The following CHCHD2 variants were observed in gnomAD, a reference collection of about 807,000 sequenced individuals.
CHCHD2 encodes coiled-coil-helix-coiled-coil-helix domain-containing protein 2.
In CHCHD2, 17 loss-of-function variants were observed where a neutral mutation model predicts 17.5. The ratio of observed to expected loss-of-function variants is 0.97; its 90% CI spans 0.67 to 1.46. The LOEUF is 1.46. CHCHD2 is among the 40% of genes most tolerant of loss of function. CHCHD2 has a pLI of 0.00. For synonymous variants in CHCHD2, 63 were observed against 74.3 expected (o/e 0.85, Z 0.78); for missense variants, 175 against 199.9 (o/e 0.88, Z 0.75).
At chr7:56,101,905 T>A in intron 3 of CHCHD2, 44 bp from the exon 4 acceptor site, 1 of 1,598,634 alleles carries the variant, frequency 6.3e-7, no homozygotes, top group East Asian at 2.2e-5. Context: ...TAGCTTCGTA[T>A]ACTCAATAAA....
Position 56,104,474 on chromosome 7 carries a change from G to A in CHCHD2, c.52C>T (p.Arg18Trp), listed in dbSNP as rs780172272. The part of the protein sequence containing the change: ...RTSRMAPPAS[R>W]APQMRAAPRP... The stretch of plus-strand genomic sequence containing the variant: ...GGTGCAGCTCTCATCTGAGGGGCCC[G>A]GCTGTGAAAGAAAAGAAAAAAACAT... The change falls in exon 2 of 4, where the codon CGG (arginine) becomes TGG (tryptophan). Residue 18 changes from arginine to tryptophan, a missense_variant and splice_region_variant. Physicochemically the swap from Arg to Trp is moderately radical, Grantham distance 101. Coordinates refer to ENST00000395422, the MANE Select transcript of CHCHD2 (RefSeq NM_016139.4). 11 of 1,550,602 alleles carry A rather than the reference G, an allele frequency of 7.1e-6. No individual in the cohort carries two copies. Among genetic ancestry groups the A allele is most frequent in the Admixed American group, 2.0e-5 (1 of 50,628 alleles).
intron 1 of CHCHD2, among the ~76,000 whole-genome samples, chr7:56,105,352 AAGTT>A (rs1464612211): frequency 3.3e-5 from 5 of 152,232 alleles, no homozygotes; most frequent in African/African-American, 1.2e-4. Context: ...AGACTACTAA[AAGTT>A]AGAAAGATTC....
At chr7:56,101,905 T>C (rs529337133) in intron 3 of CHCHD2, 44 bp from the exon 4 acceptor site, 17 of 1,598,634 alleles carry the variant, frequency 1.1e-5, no homozygotes, top group African/African-American at 4.0e-5. Context: ...TAGCTTCGTA[T>C]ACTCAATAAA....
chr7:56,106,005 T>A (rs1266804930), intron 1 of CHCHD2, among the ~76,000 whole-genome samples: 1 of 152,220 alleles, frequency 6.6e-6, no homozygotes, highest in Non-Finnish European at 1.5e-5. Flanking sequence ...AGACTAATTA[T>A]GTCCTGCACG....
rs201421064 is a variant in CHCHD2, at chr7:56,102,853, G to A, written c.445+14C>T. 5.5e-4 allele frequency: 882 copies of A among 1,613,426 alleles called. 1 individual carries two copies. Among genetic ancestry groups the A allele is most frequent in the Middle Eastern group, 1.7e-3 (10 of 6,060 alleles). On this transcript the variant is annotated intron_variant, in intron 3 of 3. Coordinates refer to ENST00000395422, the MANE Select transcript of CHCHD2 (RefSeq NM_016139.4). ...CTGTGAATTAAGCAGATGTAAATTG[G>A]ACAAATTACCTACCGTTTGCAAGTC...
Position 56,106,428 on chromosome 7 carries a change from G to C in CHCHD2, c.-15C>G, listed in dbSNP as rs764013716. 1 of 1,613,096 alleles carries C rather than the reference G, an allele frequency of 6.2e-7. No homozygotes were observed. Among genetic ancestry groups the C allele is most frequent in the Non-Finnish European group, 8.5e-7 (1 of 1,179,408 alleles). ...CCACGCGGCATCCTAGGTAAGCGAC[G>C]GCTAGGCCTCCGGACGTGGGACAAC... On this transcript the variant is annotated 5_prime_UTR_variant, in exon 1 of 4. Coordinates refer to ENST00000395422, the MANE Select transcript of CHCHD2 (RefSeq NM_016139.4).
intron 1 of CHCHD2, among the ~76,000 whole-genome samples, chr7:56,105,930 T>G (rs1360460043): frequency 2.0e-5 from 3 of 152,226 alleles, no homozygotes; most frequent in Non-Finnish European, 2.9e-5. Flanking sequence ...CAACTTCAAC[T>G]ATTCCTCATC....
Position 56,103,655 on chromosome 7 carries a change from G to A in CHCHD2, c.300+571C>T, listed in dbSNP as rs543677228. Among the ~76,000 whole-genome samples, 3 of 152,210 alleles carry A rather than the reference G, an allele frequency of 2.0e-5. No homozygotes were observed. The South Asian group carries it at 6.2e-4, about 32-fold the overall frequency. On this transcript the variant is annotated intron_variant, in intron 2 of 3. Transcript: ENST00000395422. ...TTTAACAAAATTCCAATTACAACCA[G>A]AAAGATTCCTAAATAAAGATGCAAA...
rs766631400 is a variant in CHCHD2 at position 56,102,945 on chromosome 7, C to A, written c.367G>T (p.Glu123Ter). 3.1e-6 allele frequency: 5 copies of A among 1,614,154 alleles called. No individual in the cohort carries two copies. Among genetic ancestry groups the A allele is most frequent in the Non-Finnish European group, 4.2e-6 (5 of 1,179,994 alleles). The change falls in exon 3 of 4, where the codon GAG becomes TAG. Residue 123 changes from glutamate (E) to a stop codon, truncating the protein, a stop_gained. Transcript: ENST00000395422. LOFTEE classifies it high-confidence loss of function. Reference protein sequence around the residue: ...PCLYEIKQFLECAQNQGDIKL... With the variant: ...PCLYEIKQFL ...ATGTCACCCTGGTTCTGGGCACACT[C>A]CAGAAACTGTTTGATCTCATAGAGG...
At chr7:56,106,302 G>T in intron 1 of CHCHD2, 62 bp downstream of exon 1, 1 of 1,524,488 alleles carries the variant, frequency 6.6e-7, no homozygotes, top group Non-Finnish European at 8.9e-7. Flanking sequence ...CTCCCTCTGC[G>T]TCATTGCCCC....
chr7:56,103,101 G>A, intron 2 of CHCHD2, 90 bp from the exon 3 acceptor site: 1 of 1,354,044 alleles, frequency 7.4e-7, no homozygotes, highest in South Asian at 1.2e-5. Context: ...TGAGGTTAAT[G>A]GAAAATGGAA....
chr7:56,105,586 G>T (rs1052173894), intron 1 of CHCHD2, among the ~76,000 whole-genome samples: 2 of 152,148 alleles, frequency 1.3e-5, no homozygotes, highest in African/African-American at 4.8e-5. Context: ...GACCAGCCAG[G>T]GCCACATAAT....
rs1382852004 is a variant in CHCHD2 at position 56,106,383 on chromosome 7, G to A, written c.31C>T (p.Arg11Cys). ...TCTCACCTGGCCGGAGGGGCCATGC[G>A]GGAGGTGCGGCTTCGGCTTCCACGC... MPRGSRSRTS[R>C]MAPPASRAPQ... The change falls in exon 1 of 4, where the codon CGC becomes TGC. Residue 11 changes from arginine to cysteine, a missense_variant. Arg to Cys is a radical substitution (Grantham distance 180, BLOSUM62 -3). Transcript: ENST00000395422. 3 of 1,613,400 alleles carry A rather than the reference G, an allele frequency of 1.9e-6. No individual in the cohort carries two copies. The highest frequency in any genetic ancestry group is 2.2e-5 in the East Asian group (1 of 44,862).
At chr7:56,104,188 A>G in intron 2 of CHCHD2, 38 bp downstream of exon 2, 2 of 1,603,682 alleles carry the variant, frequency 1.2e-6, no homozygotes, top group Non-Finnish European at 1.7e-6. Context: ...TTCTCATAAA[A>G]TCCACCCATG....
intron 2 of CHCHD2, among the ~76,000 whole-genome samples, chr7:56,103,241 A>G (rs1020567914): frequency 1.5e-4 from 23 of 152,186 alleles, no homozygotes; most frequent in African/African-American, 5.3e-4. Context: ...ACACTTTGGG[A>G]AGCCGAGAAG....
Position 56,103,001 on chromosome 7 carries a change from C to A in CHCHD2, c.311G>T (p.Gly104Val). 6.2e-7 allele frequency: 1 copy of A among 1,614,180 alleles called. No individual in the cohort carries two copies. Among genetic ancestry groups the A allele is most frequent in the South Asian group, 1.1e-5 (1 of 91,086 alleles). Residue 104 changes from glycine (G) to valine (V), a missense_variant, in exon 3 of 4, where the codon GGA (glycine) becomes GTA (valine). Transcript: ENST00000395422. ...RPDITYQEPQ[G>V]TQPAQQQQPC... is the part of the protein sequence containing the mutation. ...CTGCTGCTGCTGTGCTGGCTGGGTTCCCTGAGGCTCCTGCAAAGGCAAAAC... is the reference window on the plus strand; with the variant it reads ...CTGCTGCTGCTGTGCTGGCTGGGTTACCTGAGGCTCCTGCAAAGGCAAAAC...
At position 56,104,942 on chromosome 7, in the gene CHCHD2, A is replaced by G. The variant is rs557386902; in HGVS notation, c.51-467T>C. ...TTTTTTTTTTTTGAGACAGGGCCTC[A>G]CTCTGATGCCCAGACTGGAGTGCAG... On this transcript the variant is annotated intron_variant, in intron 1 of 3. Coordinates refer to ENST00000395422, the MANE Select transcript of CHCHD2 (RefSeq NM_016139.4). 3.7e-5 allele frequency among the ~76,000 whole-genome samples: 5 copies of G among 136,848 alleles called. No individual in the cohort carries two copies. In the East Asian group the frequency reaches 1.1e-3, roughly 29 times the overall value. 89.8% of individuals were successfully genotyped at this position (136,848 alleles called of 152,430 possible). A position where few individuals can be genotyped will look rare whatever the true frequency, so the allele number is the denominator to read the frequency against.
intron 2 of CHCHD2, 48 bp downstream of exon 2, chr7:56,104,178 T>G (rs374406633): frequency 8.1e-6 from 13 of 1,600,330 alleles, no homozygotes; most frequent in Middle Eastern, 1.7e-4. Context: ...CGTCTGGCTT[T>G]TCTCATAAAA....
Position 56,101,876 on chromosome 7 carries a change from G to A in CHCHD2, c.446-15C>T. The A allele has an allele frequency of 6.2e-7, 1 of 1,612,480 alleles. No homozygotes were observed. Among genetic ancestry groups the A allele is most frequent in the Non-Finnish European group, 8.5e-7 (1 of 1,178,914 alleles). On this transcript the variant is annotated splice_polypyrimidine_tract_variant and intron_variant, in intron 3 of 3. Coordinates refer to ENST00000395422, the MANE Select transcript of CHCHD2 (RefSeq NM_016139.4). The stretch of plus-strand genomic sequence containing the variant: ...TTAGGCCAATCCTGCAAACAGAAAA[G>A]ATTAAGTTAGAAGAATGCTAGCTTC...
Sources: gnomAD v4.1 joint callset for allele counts (sites outside exome capture counted in the v4.1 genomes callset) on GRCh38, gnomAD v4.1.1 for gene constraint, MANE v1.5 for transcripts, NCBI Gene and HGNC (gene_info 2026-07-23, HGNC 2026-07-21) for gene names.